Variants in HS6ST3 observed in about 807,000 individuals in gnomAD.
HS6ST3 encodes heparan sulfate 6-O-sulfotransferase 3, also known as heparan-sulfate 6-O-sulfotransferase 3.
In HS6ST3, 12 loss-of-function variants were observed where a neutral mutation model predicts 36.7. The ratio of observed to expected loss-of-function variants is 0.33; its 90% CI spans 0.21 to 0.53. HS6ST3 has a LOEUF of 0.53. HS6ST3 is among the 20% of genes least tolerant of loss of function. HS6ST3 has a pLI of 0.95. For missense variants in HS6ST3, 584 were observed against 640.9 expected (o/e 0.91, Z 0.96); for synonymous variants, 240 against 257.5 (o/e 0.93, Z 0.65).
chr13:96,098,091 G>A (rs1162319472), intron 1 of HS6ST3, among the ~76,000 whole-genome samples: 1 of 152,152 alleles, frequency 6.6e-6, no homozygotes, highest in Admixed American at 6.5e-5. Context: ...GGACTTATTG[G>A]ATTATTGGAC....
intron 1 of HS6ST3, among the ~76,000 whole-genome samples, chr13:96,265,685 G>T (rs961737010): frequency 6.6e-6 from 1 of 152,200 alleles, no homozygotes; most frequent in Non-Finnish European, 1.5e-5. Flanking sequence ...GGGGTCAGTG[G>T]ACAGGACCAT....
At chr13:96,276,373 C>T (rs2054748560) in intron 1 of HS6ST3, among the ~76,000 whole-genome samples, 1 of 152,136 alleles carries the variant, frequency 6.6e-6, no homozygotes. Context: ...CTAATCTTTC[C>T]TTTTGACTTT....
At chr13:96,580,759 A>G (rs1346208145) in intron 1 of HS6ST3, among the ~76,000 whole-genome samples, 1 of 152,058 alleles carries the variant, frequency 6.6e-6, no homozygotes, top group Non-Finnish European at 1.5e-5. Context: ...TACATAGAAG[A>G]TTTTTCTTAG....
intron 1 of HS6ST3, among the ~76,000 whole-genome samples, chr13:96,583,981 C>T (rs2056351760): frequency 6.6e-6 from 1 of 152,182 alleles, no homozygotes; most frequent in African/African-American, 2.4e-5. Flanking sequence ...CACCAAATGG[C>T]TTCAGGGACA....
intron 1 of HS6ST3, among the ~76,000 whole-genome samples, chr13:96,436,579 A>C (rs1490465494): frequency 2.6e-5 from 4 of 152,206 alleles, no homozygotes; most frequent in Non-Finnish European, 4.4e-5. Context: ...GATGCAATTA[A>C]ATTAGAGTAA....
intron 1 of HS6ST3, among the ~76,000 whole-genome samples, chr13:96,134,248 T>A (rs1429715774): frequency 6.6e-6 from 1 of 152,132 alleles, no homozygotes; most frequent in Non-Finnish European, 1.5e-5. Flanking sequence ...TTTTTTTATA[T>A]TTGTCTTATT....
At chr13:96,252,518 A>G (rs1323442459) in intron 1 of HS6ST3, among the ~76,000 whole-genome samples, 3 of 152,008 alleles carry the variant, frequency 2.0e-5, no homozygotes, top group Non-Finnish European at 2.9e-5. Flanking sequence ...AGAACCTCCA[A>G]TTTATTTAGT....
chr13:96,516,483 C>G (rs2056073332), intron 1 of HS6ST3, among the ~76,000 whole-genome samples: 1 of 152,154 alleles, frequency 6.6e-6, no homozygotes, highest in Non-Finnish European at 1.5e-5. Flanking sequence ...TAAACAGTTA[C>G]ATGTTGAGTA....
chr13:96,580,933 A>G (rs1414888185), intron 1 of HS6ST3, among the ~76,000 whole-genome samples: 1 of 152,198 alleles, frequency 6.6e-6, no homozygotes, highest in Non-Finnish European at 1.5e-5. Context: ...TAAGAAAAAA[A>G]TAATGGAAGT....
At chr13:96,817,276 C>G (rs1488818794) in intron 1 of HS6ST3, among the ~76,000 whole-genome samples, 1 of 152,114 alleles carries the variant, frequency 6.6e-6, no homozygotes, top group Admixed American at 6.5e-5. Flanking sequence ...CAGTTTTAAC[C>G]TTTGGTGAAA....
intron 1 of HS6ST3, among the ~76,000 whole-genome samples, chr13:96,537,499 C>T (rs984681051): frequency 3.3e-5 from 5 of 152,200 alleles, no homozygotes; most frequent in Admixed American, 2.6e-4. Flanking sequence ...CCCTATTAGG[C>T]ATTGATTTCT....
At chr13:96,492,258 G>C (rs1455240696) in intron 1 of HS6ST3, among the ~76,000 whole-genome samples, 1 of 152,168 alleles carries the variant, frequency 6.6e-6, no homozygotes, top group African/African-American at 2.4e-5. Context: ...TGCAGACAGT[G>C]ACACTCTTTC....
At chr13:96,650,647 C>T (rs2056604177) in intron 1 of HS6ST3, among the ~76,000 whole-genome samples, 1 of 151,988 alleles carries the variant, frequency 6.6e-6, no homozygotes, top group South Asian at 2.1e-4. Context: ...TGTATGGAAA[C>T]TTAAAACAGG....
chr13:96,505,714 AAAAAT>A (rs1346334930), intron 1 of HS6ST3, among the ~76,000 whole-genome samples: 1 of 152,166 alleles, frequency 6.6e-6, no homozygotes, highest in Non-Finnish European at 1.5e-5. Context: ...GAAGCCCTTT[AAAAAT>A]TCCTTTCATA....
intron 1 of HS6ST3, among the ~76,000 whole-genome samples, chr13:96,795,705 G>A (rs1050363942): frequency 2.6e-5 from 4 of 152,086 alleles, no homozygotes; most frequent in Non-Finnish European, 5.9e-5. Context: ...GACGCCCAGA[G>A]GGCCCAAAGA....
chr13:96,776,915 T>G (rs1877400084), intron 1 of HS6ST3, among the ~76,000 whole-genome samples: 1 of 152,198 alleles, frequency 6.6e-6, no homozygotes, highest in African/African-American at 2.4e-5. Flanking sequence ...CCAATATCCC[T>G]TATGAACATT....
At chr13:96,218,355 G>A (rs1393950798) in intron 1 of HS6ST3, among the ~76,000 whole-genome samples, 2 of 152,202 alleles carry the variant, frequency 1.3e-5, no homozygotes, top group African/African-American at 4.8e-5. Context: ...AAGCTGGGGG[G>A]CAAGGGAGCC....
chr13:96,724,282 A>G (rs1446368529), intron 1 of HS6ST3, among the ~76,000 whole-genome samples: 3 of 152,260 alleles, frequency 2.0e-5, no homozygotes, highest in African/African-American at 7.2e-5. Flanking sequence ...TGGTAATTAC[A>G]TATGTGGAGA....
At chr13:96,638,832 A>G (rs1278187487) in intron 1 of HS6ST3, among the ~76,000 whole-genome samples, 1 of 151,980 alleles carries the variant, frequency 6.6e-6, no homozygotes, top group Non-Finnish European at 1.5e-5. Context: ...CATCCTATGT[A>G]ATCACACTAT....
Sources: allele counts gnomAD v4.1 joint callset (sites outside exome capture counted in the v4.1 genomes callset), GRCh38; gene constraint gnomAD v4.1.1; transcripts MANE v1.5; gene names NCBI Gene and HGNC (gene_info 2026-07-23, HGNC 2026-07-21).